Variants in ANKRD55 observed in about 807,000 individuals in gnomAD.
ANKRD55 encodes ankyrin repeat domain-containing protein 55.
In ANKRD55, 41 loss-of-function variants were observed where a neutral mutation model predicts 60.6. The ratio of observed to expected loss-of-function variants is 0.68; its 90% CI spans 0.53 to 0.88. The LOEUF (loss-of-function observed/expected upper bound fraction) is 0.88, where lower values mean the gene tolerates loss of function less well. Among genes scored for constraint, ANKRD55 ranks in the 40% least tolerant of loss-of-function variants. The probability of loss-of-function intolerance (pLI) is 0.00; values close to 1 mark genes in which losing one functional copy is unlikely to be tolerated. For synonymous variants in ANKRD55, 264 were observed against 290.3 expected, an observed-to-expected ratio of 0.91 and a Z score of 0.92; for missense variants, 732 against 767.6, an observed-to-expected ratio of 0.95 and a Z score of 0.55.
chr5:56,190,916 C>T (rs1221623138), intron 2 of ANKRD55, among the ~76,000 whole-genome samples: 1 of 152,216 alleles, frequency 6.6e-6, no homozygotes, highest in African/African-American at 2.4e-5. Context: ...GGTACAATGA[C>T]AGTTAAATTT....
At chr5:56,192,670 T>G in intron 2 of ANKRD55, 1 of 1,183,120 alleles carries the variant, frequency 8.5e-7, no homozygotes, top group Non-Finnish European at 1.2e-6. Context: ...AGACTAATGT[T>G]CTTCATAATG....
chr5:56,167,321 A>G (rs1758506177), intron 5 of ANKRD55, among the ~76,000 whole-genome samples: 1 of 152,264 alleles, frequency 6.6e-6, no homozygotes, highest in Non-Finnish European at 1.5e-5. Flanking sequence ...TAGACACTGT[A>G]GGCAATTGTA....
intron 8 of ANKRD55, among the ~76,000 whole-genome samples, chr5:56,123,059 A>G (rs1413950221): frequency 6.6e-6 from 1 of 151,980 alleles, no homozygotes; most frequent in Admixed American, 6.6e-5. Context: ...AGCCTGGCCC[A>G]CATTCCTATG....
intron 5 of ANKRD55, among the ~76,000 whole-genome samples, chr5:56,167,864 G>A (rs1758520295): frequency 6.6e-6 from 1 of 152,176 alleles, no homozygotes; most frequent in Admixed American, 6.5e-5. Flanking sequence ...TCCACAAAGA[G>A]GAAGTACACT....
At chr5:56,165,230 G>T (rs1001565698) in intron 5 of ANKRD55, among the ~76,000 whole-genome samples, 2 of 152,014 alleles carry the variant, frequency 1.3e-5, no homozygotes, top group Non-Finnish European at 2.9e-5. Flanking sequence ...AGTTTACAAA[G>T]GTGTGCATAG....
intron 7 of ANKRD55, among the ~76,000 whole-genome samples, chr5:56,136,431 G>T (rs1189032700): frequency 1.3e-5 from 2 of 152,130 alleles, no homozygotes; most frequent in Admixed American, 1.3e-4. Flanking sequence ...GCAACAGAAT[G>T]GACAGCCAAG....
intron 8 of ANKRD55, among the ~76,000 whole-genome samples, chr5:56,122,020 C>T (rs777061048): frequency 6.6e-6 from 1 of 152,164 alleles, no homozygotes; most frequent in Admixed American, 6.5e-5. Flanking sequence ...GCCTAATGTA[C>T]AGCAAATACT....
chr5:56,205,101 C>T (rs1056957136), intron 2 of ANKRD55, among the ~76,000 whole-genome samples: 1 of 151,874 alleles, frequency 6.6e-6, no homozygotes, highest in South Asian at 2.1e-4. Flanking sequence ...CACTCTGTTG[C>T]CCAGGATGGA....
rs78230315 is a variant in ANKRD55 at position 56,205,727 on chromosome 5, C to G, written c.59-22093G>C. Among the ~76,000 whole-genome samples the G allele has an allele frequency of 2.6e-5, 4 of 152,218 alleles. No individual in the cohort carries two copies. The East Asian group carries it at 7.7e-4, about 29-fold the overall frequency. On this transcript the variant is annotated intron_variant, in intron 2 of 11. Coordinates refer to ENST00000341048, the MANE Select transcript of ANKRD55 (RefSeq NM_024669.3). ...ACCCTCCTTGTGGCCCTCTACTGTG[C>G]CCACTTATAAAACTGCCCCTAGTGC...
intron 6 of ANKRD55, among the ~76,000 whole-genome samples, chr5:56,156,289 C>T: frequency 6.6e-6 from 1 of 152,208 alleles, no homozygotes; most frequent in East Asian, 1.9e-4. Context: ...CCAACGGGTC[C>T]ATATGCTGGT....
At chr5:56,203,378 G>C (rs12523636) in intron 2 of ANKRD55, among the ~76,000 whole-genome samples, 1 of 151,894 alleles carries the variant, frequency 6.6e-6, no homozygotes, top group Admixed American at 6.6e-5. Flanking sequence ...TTAAGTTTTA[G>C]GGTACATGTG....
intron 3 of ANKRD55, among the ~76,000 whole-genome samples, chr5:56,178,214 G>A (rs2111825149): frequency 6.7e-6 from 1 of 150,326 alleles, no homozygotes; most frequent in South Asian, 2.1e-4. Context: ...TTTTGAGACG[G>A]CATCTTGCTC....
intron 2 of ANKRD55, among the ~76,000 whole-genome samples, chr5:56,190,193 G>C (rs1414421368): frequency 6.6e-6 from 1 of 152,148 alleles, no homozygotes; most frequent in African/African-American, 2.4e-5. Flanking sequence ...TTGTTGCTGG[G>C]TTGTAGGAGT....
chr5:56,126,818 G>T, intron 8 of ANKRD55, 104 bp downstream of exon 8: 1 of 1,236,486 alleles, frequency 8.1e-7, no homozygotes, highest in Non-Finnish European at 1.1e-6. Context: ...ACTGGCAATA[G>T]GGATATAGCT....
At chr5:56,106,986 T>C (rs1756501235) in intron 10 of ANKRD55, among the ~76,000 whole-genome samples, 1 of 144,450 alleles carries the variant, frequency 6.9e-6, no homozygotes, top group African/African-American at 2.6e-5. Flanking sequence ...TACTCCAGCC[T>C]GGGTGACAGA....
Position 56,102,263 on chromosome 5 carries a change from G to A in ANKRD55, c.1723+231C>T, listed in dbSNP as rs191490566. Among the ~76,000 whole-genome samples the A allele has an allele frequency of 9.9e-5, 15 of 152,188 alleles. No homozygotes were observed. The East Asian group carries it at 2.3e-3, about 24-fold the overall frequency. On this transcript the variant is annotated intron_variant, in intron 11 of 11. Transcript: ENST00000341048. ...AAATTAGCCAGGCGTGGTGGCAGGC[G>A]CCTGTAATCCCAGCTACTTGGGAGG...
rs562730476 is a variant in ANKRD55, at chr5:56,132,603, A to G, written c.613-5497T>C. Among the ~76,000 whole-genome samples the G allele has an allele frequency of 2.0e-5, 3 of 151,738 alleles. No individual in the cohort carries two copies. In the East Asian group the frequency reaches 5.8e-4, roughly 29 times the overall value. On this transcript the variant is annotated intron_variant, in intron 7 of 11. Transcript: ENST00000341048. ...GAGACTCTATCTAAAAAAAAAAAAAAAAAAAGAATAAGGGCAGCAAATAGA... is the reference window on the plus strand; with the variant it reads ...GAGACTCTATCTAAAAAAAAAAAAAGAAAAAGAATAAGGGCAGCAAATAGA...
chr5:56,176,467 C>G (rs1050868560), intron 3 of ANKRD55, among the ~76,000 whole-genome samples, 185 bp from the exon 4 acceptor site: 1 of 152,172 alleles, frequency 6.6e-6, no homozygotes, highest in Non-Finnish European at 1.5e-5. Flanking sequence ...TTTACTGGCT[C>G]TTTTCAATCT....
intron 3 of ANKRD55, among the ~76,000 whole-genome samples, chr5:56,177,351 T>C (rs1427684194): frequency 1.3e-5 from 2 of 152,112 alleles, no homozygotes; most frequent in African/African-American, 2.4e-5. Flanking sequence ...TTCCTTCCTT[T>C]CCCTTCCTCC....
Sources: allele counts gnomAD v4.1 joint callset (sites outside exome capture counted in the v4.1 genomes callset), GRCh38; gene constraint gnomAD v4.1.1; transcripts MANE v1.5; gene names NCBI Gene and HGNC (gene_info 2026-07-23, HGNC 2026-07-21).